Variants in ARFIP1 observed in about 807,000 individuals in gnomAD.
ARFIP1 encodes the protein ARF interacting protein 1.
A neutral mutation model predicts 42.5 loss-of-function variants in ARFIP1; 24 were observed. That is an observed-to-expected ratio of 0.57 (90% CI 0.41 to 0.80). The LOEUF is 0.80. ARFIP1 is among the 30% of genes least tolerant of loss of function. The pLI is 0.00. For missense variants in ARFIP1, 354 were observed against 434.0 expected, an observed-to-expected ratio of 0.82 and a Z score of 1.64; for synonymous variants, 141 against 153.7, an observed-to-expected ratio of 0.92 and a Z score of 0.61.
At chr4:152,867,532 C>T (rs13129718) in intron 3 of ARFIP1, among the ~76,000 whole-genome samples, 26,556 of 151,588 alleles carry the variant, frequency 0.18, 2,482 homozygotes, top group African/African-American at 0.23. Context: ...AGAGGTGAGA[C>T]GGGAGAGGGG....
chr4:152,795,596 A>G (rs559533157), intron 1 of ARFIP1, among the ~76,000 whole-genome samples: 4 of 152,256 alleles, frequency 2.6e-5, no homozygotes, highest in Admixed American at 2.6e-4. Flanking sequence ...TCATTTTGTT[A>G]CACATTACCA....
Position 152,888,252 on chromosome 4 carries a change from A to G in ARFIP1, c.911A>G (p.Tyr304Cys), listed in dbSNP as rs1736433839. 3.1e-6 allele frequency: 5 copies of G among 1,609,644 alleles called. No individual in the cohort carries two copies. The highest frequency in any genetic ancestry group is 4.2e-6 in the Non-Finnish European group (5 of 1,178,196). The change falls in exon 8 of 9, where the codon TAT becomes TGT. Residue 304 changes from tyrosine to cysteine, a missense_variant. Coordinates refer to ENST00000353617, the MANE Select transcript of ARFIP1 (RefSeq NM_001025595.3). ...QHLFQAHKEK[Y>C]DKMRNDVSVK... The stretch of plus-strand genomic sequence containing the variant: ...CTCTTCCAAGCACATAAGGAAAAAT[A>G]TGATAAAATGCGCAATGATGTTTCT...
At chr4:152,881,723 G>GT (rs1221447525) in intron 6 of ARFIP1, among the ~76,000 whole-genome samples, 1 of 152,156 alleles carries the variant, frequency 6.6e-6, no homozygotes, top group Non-Finnish European at 1.5e-5. Flanking sequence ...TTTGAAGACT[G>GT]AGTACAGAGT....
At chr4:152,804,183 AT>A (rs1728714095) in intron 1 of ARFIP1, among the ~76,000 whole-genome samples, 2 of 117,806 alleles carry the variant, frequency 1.7e-5, no homozygotes, top group African/African-American at 7.0e-5. Flanking sequence ...TGTATTATAT[AT>A]TATATATAAT....
intron 1 of ARFIP1, among the ~76,000 whole-genome samples, chr4:152,817,958 C>T (rs956188115): frequency 6.6e-6 from 1 of 152,126 alleles, no homozygotes; most frequent in African/African-American, 2.4e-5. Context: ...CAGTAAATAA[C>T]AAGTGTTGGT....
intron 2 of ARFIP1, among the ~76,000 whole-genome samples, chr4:152,849,891 G>A (rs1338330652): frequency 6.6e-6 from 1 of 152,172 alleles, no homozygotes; most frequent in Non-Finnish European, 1.5e-5. Context: ...TATGGGGTAT[G>A]AAAGATGAAA....
At chr4:152,827,156 T>G (rs558916884) in intron 1 of ARFIP1, among the ~76,000 whole-genome samples, 1 of 152,388 alleles carries the variant, frequency 6.6e-6, no homozygotes, top group East Asian at 1.9e-4. Flanking sequence ...ATGGTAATTT[T>G]TATGTTACGT....
At position 152,894,481 on chromosome 4, in the gene ARFIP1, T is replaced by C. The variant is rs148582179; in HGVS notation, c.966+6174T>C. Among the ~76,000 whole-genome samples, 1,225 of 152,334 alleles carry C rather than the reference T, an allele frequency of 8.0e-3. 15 individuals are homozygous for C. Among genetic ancestry groups the C allele is most frequent in the African/African-American group, 0.027 (1,137 of 41,570 alleles). ...AAAGAAAAAGAACCCCTATTTCTTC[T>C]TGAGTACTTTAAAAATATTCATGCC... On this transcript the variant is annotated intron_variant, in intron 8 of 8. Transcript: ENST00000353617.
intron 5 of ARFIP1, among the ~76,000 whole-genome samples, chr4:152,875,346 G>A (rs1578986061): frequency 8.0e-6 from 1 of 125,412 alleles, no homozygotes; most frequent in Non-Finnish European, 1.6e-5. Context: ...CTAGTCTAAA[G>A]TAGAGTGCTT....
At chr4:152,905,344 G>T (rs1738223166) in intron 8 of ARFIP1, among the ~76,000 whole-genome samples, 1 of 152,072 alleles carries the variant, frequency 6.6e-6, no homozygotes, top group African/African-American at 2.4e-5. Flanking sequence ...ATCCTGGTCA[G>T]TAAGGAGTAT....
At chr4:152,904,198 A>ATATATATATATTT (rs36085096) in intron 8 of ARFIP1, among the ~76,000 whole-genome samples, 1 of 126,704 alleles carries the variant, frequency 7.9e-6, no homozygotes, top group African/African-American at 3.3e-5. Flanking sequence ...ATATATATAT[A>ATATATATATATTT]TTTTTTTTTT....
chr4:152,890,260 A>T (rs1189630346), intron 8 of ARFIP1, among the ~76,000 whole-genome samples: 1 of 151,988 alleles, frequency 6.6e-6, no homozygotes, highest in East Asian at 1.9e-4. Context: ...TGGCCTTGGA[A>T]TGTGTACACT....
At chr4:152,876,299 A>G (rs188084756) in intron 5 of ARFIP1, among the ~76,000 whole-genome samples, 1 of 152,346 alleles carries the variant, frequency 6.6e-6, no homozygotes, top group East Asian at 1.9e-4. Context: ...TAATAGCGAT[A>G]TGGACAATAA....
intron 2 of ARFIP1, among the ~76,000 whole-genome samples, chr4:152,838,618 C>T (rs1332239142): frequency 2.0e-5 from 3 of 152,094 alleles, no homozygotes; most frequent in Admixed American, 6.6e-5. Flanking sequence ...ACTGATTTGC[C>T]TAGATTCATC....
intron 8 of ARFIP1, among the ~76,000 whole-genome samples, chr4:152,889,802 C>CTA (rs869295599): frequency 1.0e-5 from 1 of 96,986 alleles, no homozygotes; most frequent in African/African-American, 4.5e-5. Context: ...ATATACTATA[C>CTA]TATATACTAT....
intron 1 of ARFIP1, among the ~76,000 whole-genome samples, chr4:152,798,905 A>G (rs1731635318): frequency 1.3e-5 from 2 of 152,238 alleles, no homozygotes. Flanking sequence ...AAATTTGAGT[A>G]TAATGTTTCA....
At position 152,888,225 on chromosome 4, in the gene ARFIP1, A is replaced by C; in HGVS notation, c.884A>C (p.His295Pro). 6.2e-7 allele frequency: 1 copy of C among 1,612,028 alleles called. No homozygotes were observed. The highest frequency in any genetic ancestry group is 1.1e-5 in the South Asian group (1 of 90,786). Residue 295 changes from histidine (H) to proline (P), a missense_variant, in exon 8 of 9, where the codon CAT becomes CCT. By Grantham distance (77) the His-to-Pro change is moderately conservative. Coordinates refer to ENST00000353617, the MANE Select transcript of ARFIP1 (RefSeq NM_001025595.3). ...CTGCCAAAGATTGAGCAGTCACAGC[A>C]TCTCTTCCAAGCACATAAGGAAAAA... ...NTLPKIEQSQHLFQAHKEKYD... is the reference protein window; with the variant it reads ...NTLPKIEQSQPLFQAHKEKYD...
chr4:152,783,843 G>T (rs568924776), intron 1 of ARFIP1, among the ~76,000 whole-genome samples: 1 of 152,100 alleles, frequency 6.6e-6, no homozygotes, highest in African/African-American at 2.4e-5. Context: ...TGGTGTGTGT[G>T]TGTGTGTGTG....
chr4:152,912,250 G>T lies in ARFIP1; in HGVS notation c.*2031G>T, dbSNP rs1738899540. On this transcript the variant is annotated 3_prime_UTR_variant, in exon 9 of 9. Coordinates refer to ENST00000353617, the MANE Select transcript of ARFIP1 (RefSeq NM_001025595.3). Reference sequence around the variant, plus strand: ...ATTTAGCCAATGGTACATTTACTTTGTTAGGAATGTAATTTATGTTCATTA... The same window carrying T: ...ATTTAGCCAATGGTACATTTACTTTTTTAGGAATGTAATTTATGTTCATTA... The T allele has an allele frequency of 6.6e-6, 1 of 152,084 alleles. No homozygotes were observed. The highest frequency in any genetic ancestry group is 6.5e-5 in the Admixed American group (1 of 15,270). The allele number at this position is 152,084 out of a possible 1,614,324, so 9.4% of individuals were successfully genotyped here.
Sources: gnomAD v4.1 joint callset for allele counts (sites outside exome capture counted in the v4.1 genomes callset) on GRCh38, gnomAD v4.1.1 for gene constraint, MANE v1.5 for transcripts, NCBI Gene and HGNC (gene_info 2026-07-23, HGNC 2026-07-21) for gene names.